ZMAT1: variants seen among roughly 807,000 people sequenced by gnomAD.
ZMAT1 encodes the protein zinc finger matrin-type protein 1.
In ZMAT1, 11 loss-of-function variants were observed where a neutral mutation model predicts 18.5. That is an observed-to-expected ratio of 0.59 (90% CI 0.37 to 0.98). The LOEUF (loss-of-function observed/expected upper bound fraction) is 0.98, where lower values mean the gene tolerates loss of function less well. ZMAT1 is among the 50% of genes least tolerant of loss of function. The pLI, the probability that ZMAT1 is intolerant of heterozygous loss-of-function variation, is 0.01. For synonymous variants in ZMAT1, 211 were observed against 176.4 expected (o/e 1.20, Z -1.55); for missense variants, 525 against 496.2 (o/e 1.06, Z -0.55).
intron 1 of ZMAT1, among the ~76,000 whole-genome samples, chrX:101,916,682 A>T (rs1443367877): frequency 8.9e-6 from 1 of 111,975 alleles, no homozygotes; most frequent in African/African-American, 3.2e-5. Flanking sequence ...ATAGAAAAAA[A>T]ATCTCAAAAT....
At chrX:101,884,934 C>A (rs1926823936) in intron 5 of ZMAT1, 113 bp from the exon 6 acceptor site, 3 of 472,138 alleles carry the variant, frequency 6.4e-6, no homozygotes, top group Non-Finnish European at 6.6e-6. Context: ...AAAACCCAAA[C>A]AGATTTTAAA....
rs752873324 is a variant in ZMAT1, at chrX:101,884,080, G to T, written c.1518C>A (p.Phe506Leu). 3.3e-6 allele frequency: 4 copies of T among 1,209,343 alleles called. No individual in the cohort carries two copies. The highest frequency in any genetic ancestry group is 4.5e-6 in the Non-Finnish European group (4 of 895,069). The change falls in exon 6 of 6, where the codon TTC (phenylalanine) becomes TTA (leucine). Residue 506 changes from phenylalanine to leucine, a missense_variant. Transcript: ENST00000651725. ...MLEQKLPCET[F>L]QTYSGPYSIS... is the part of the protein sequence containing the mutation. ...TACTATATGGTCCTGAATAGGTCTG[G>T]AAAGTCTCACATGGGAGCTTTTGCT...
intron 1 of ZMAT1, among the ~76,000 whole-genome samples, chrX:101,905,649 T>C (rs1226718210): frequency 8.9e-6 from 1 of 111,767 alleles, no homozygotes; most frequent in Non-Finnish European, 1.9e-5. Context: ...AATTTAAAAA[T>C]GGTTAACTCT....
At position 101,884,563 on chromosome X, in the gene ZMAT1, T is replaced by C. The variant is rs769843157; in HGVS notation, c.1035A>G (p.Gln345=). ...RTYAAPYNIS[Q]AMEKQLPHSK... Reference sequence around the variant, plus strand: ...AATGAGGTAACTGCTTTTCCATTGCTTGTGAAATATTGTATGGTGCTGCGT... The same window carrying C: ...AATGAGGTAACTGCTTTTCCATTGCCTGTGAAATATTGTATGGTGCTGCGT... The change falls in exon 6 of 6, where the codon CAA becomes CAG. Residue 345 remains glutamine (Q), a synonymous_variant. Transcript: ENST00000651725. The C allele has an allele frequency of 8.3e-7, 1 of 1,209,449 alleles. No homozygotes were observed. Among genetic ancestry groups the C allele is most frequent in the African/African-American group, 1.8e-5 (1 of 57,112 alleles).
chrX:101,923,666 G>A (rs1373350228), intron 1 of ZMAT1, among the ~76,000 whole-genome samples: 1 of 111,569 alleles, frequency 9.0e-6, no homozygotes. Context: ...GATCTATGAG[G>A]CATTTCTATT....
intron 1 of ZMAT1, among the ~76,000 whole-genome samples, chrX:101,905,547 T>C (rs1447199199): frequency 8.9e-6 from 1 of 112,070 alleles, no homozygotes; most frequent in African/African-American, 3.2e-5. Context: ...TAAAAAGCTG[T>C]AGAACAAATA....
intron 1 of ZMAT1, among the ~76,000 whole-genome samples, chrX:101,914,207 A>C (rs1929149220): frequency 9.0e-6 from 1 of 111,310 alleles, no homozygotes. Flanking sequence ...CTCAGAGGGA[A>C]GTTTATAGCT....
At chrX:101,889,610 A>C (rs1427554799) in intron 4 of ZMAT1, 1 of 112,043 alleles carries the variant, frequency 8.9e-6, no homozygotes, top group Non-Finnish European at 1.9e-5. Flanking sequence ...TGGTAATTTA[A>C]TTGATTGGAG....
chrX:101,931,416 G>A (rs34507465), intron 1 of ZMAT1: 130,522 of 748,024 alleles, frequency 0.17, 8,083 homozygotes, highest in Middle Eastern at 0.22. Context: ...GGCTGGGAGA[G>A]AAATTATGTG....
chrX:101,930,090 G>A (rs1037795682), intron 1 of ZMAT1, among the ~76,000 whole-genome samples: 1 of 111,655 alleles, frequency 9.0e-6, no homozygotes, highest in Non-Finnish European at 1.9e-5. Flanking sequence ...CTCTCTGAAA[G>A]CCTTTAATAT....
chrX:101,902,237 G>A (rs866842665), intron 2 of ZMAT1, among the ~76,000 whole-genome samples: 23 of 111,727 alleles, frequency 2.1e-4, no homozygotes, highest in Non-Finnish European at 1.9e-4. Context: ...TAGTGAAGCT[G>A]AGTATCTATT....
intron 1 of ZMAT1, chrX:101,911,954 C>T (rs1928998964): frequency 2.5e-6 from 3 of 1,204,179 alleles, no homozygotes; most frequent in Non-Finnish European, 2.2e-6. Flanking sequence ...GCAGAGCACC[C>T]ACCTCACTCA....
chrX:101,920,450 C>T (rs1239014241), intron 1 of ZMAT1, among the ~76,000 whole-genome samples: 1 of 111,299 alleles, frequency 9.0e-6, no homozygotes, highest in Admixed American at 9.6e-5. Flanking sequence ...GCCAAATTCT[C>T]TTTGTGGGTG....
intron 2 of ZMAT1, among the ~76,000 whole-genome samples, chrX:101,903,290 G>T (rs952195287): frequency 1.8e-5 from 2 of 111,523 alleles, no homozygotes; most frequent in Admixed American, 1.9e-4. Context: ...CAAGAAACAT[G>T]CTCAGAAAGG....
intron 4 of ZMAT1, chrX:101,895,816 G>A: frequency 1.3e-6 from 1 of 751,847 alleles, no homozygotes; most frequent in Non-Finnish European, 1.6e-6. Flanking sequence ...AATCCCACCT[G>A]TAGGAGGCTT....
At chrX:101,901,258 T>C (rs1928210802) in intron 2 of ZMAT1, among the ~76,000 whole-genome samples, 1 of 111,135 alleles carries the variant, frequency 9.0e-6, no homozygotes, top group African/African-American at 3.3e-5. Context: ...CGGCAAACAG[T>C]GACAGTTTGA....
intron 1 of ZMAT1, among the ~76,000 whole-genome samples, chrX:101,914,061 A>G (rs1319871773): frequency 9.0e-6 from 1 of 111,650 alleles, no homozygotes; most frequent in Non-Finnish European, 1.9e-5. Context: ...ATACAAATAC[A>G]TGGAAATTAA....
At chrX:101,924,566 G>A (rs1929943154) in intron 1 of ZMAT1, among the ~76,000 whole-genome samples, 1 of 111,653 alleles carries the variant, frequency 9.0e-6, no homozygotes, top group Non-Finnish European at 1.9e-5. Context: ...AAAGCAATGG[G>A]GAATAAGAAA....
intron 4 of ZMAT1, chrX:101,889,795 G>A (rs1014637361): frequency 9.0e-6 from 1 of 111,731 alleles, no homozygotes; most frequent in Non-Finnish European, 1.9e-5. Context: ...ATACCTAGGT[G>A]ATGGGATGAT....
Sources: gnomAD v4.1 joint callset for allele counts (sites outside exome capture counted in the v4.1 genomes callset) on GRCh38, gnomAD v4.1.1 for gene constraint, MANE v1.5 for transcripts, NCBI Gene and HGNC (gene_info 2026-07-23, HGNC 2026-07-21) for gene names.